FOCAD: variants seen among roughly 807,000 people sequenced by gnomAD.
FOCAD encodes focadhesin.
FOCAD carries 198 observed loss-of-function variants against 225.6 expected under a neutral mutation model. The ratio of observed to expected loss-of-function variants is 0.88; its 90% CI spans 0.78 to 0.99. The LOEUF is 0.99. Among genes scored for constraint, FOCAD ranks in the 50% least tolerant of loss-of-function variants. The probability of loss-of-function intolerance (pLI) is 0.00; values close to 1 mark genes in which losing one functional copy is unlikely to be tolerated. For missense variants in FOCAD, 2,713 were observed against 2,123.6 expected, an observed-to-expected ratio of 1.28 and a Z score of -5.46; for synonymous variants, 897 against 755.0, an observed-to-expected ratio of 1.19 and a Z score of -3.08.
intron 10 of FOCAD, among the ~76,000 whole-genome samples, chr9:20,783,783 C>A (rs983722832): frequency 6.6e-6 from 1 of 152,094 alleles, no homozygotes; most frequent in African/African-American, 2.4e-5. Context: ...TCTGCTTCCT[C>A]CTTGTTCTCC....
At chr9:20,753,500 G>A (rs867282355) in intron 5 of FOCAD, among the ~76,000 whole-genome samples, 17 of 151,954 alleles carry the variant, frequency 1.1e-4, no homozygotes, top group Middle Eastern at 3.4e-3. Context: ...TTTCATCCCA[G>A]GGATGAAGCC....
chr9:20,818,154 G>A (rs1266495978), intron 11 of FOCAD, among the ~76,000 whole-genome samples: 3 of 152,062 alleles, frequency 2.0e-5, no homozygotes, highest in African/African-American at 7.2e-5. Flanking sequence ...ATATTTTCCT[G>A]TATTGGCCAT....
At chr9:20,711,010 G>A (rs1236270236) in intron 1 of FOCAD, among the ~76,000 whole-genome samples, 1 of 152,170 alleles carries the variant, frequency 6.6e-6, no homozygotes, top group African/African-American at 2.4e-5. Context: ...ATGCTACAAT[G>A]GCAGACTTGA....
chr9:20,972,122 G>T (rs1839820770), intron 35 of FOCAD, among the ~76,000 whole-genome samples: 1 of 152,042 alleles, frequency 6.6e-6, no homozygotes, highest in Non-Finnish European at 1.5e-5. Flanking sequence ...TAAAAGTGAG[G>T]TTGCTGGATT....
At position 20,735,124 on chromosome 9, in the gene FOCAD, T is replaced by G. The variant is rs2131627896; in HGVS notation, c.288-5112T>G. ...ATGAATCTTATTCTTCTGTGATTTGTGTATCTCTATTCTCTGCTCAGTTTG... is the reference window on the plus strand; with the variant it reads ...ATGAATCTTATTCTTCTGTGATTTGGGTATCTCTATTCTCTGCTCAGTTTG... On this transcript the variant is annotated intron_variant, in intron 4 of 43. Coordinates refer to ENST00000338382, the MANE Select transcript of FOCAD (RefSeq NM_001375567.1). 2.6e-5 allele frequency among the ~76,000 whole-genome samples: 4 copies of G among 152,336 alleles called. No individual in the cohort carries two copies. The South Asian group carries it at 8.3e-4, about 32-fold the overall frequency.
intron 17 of FOCAD, 42 bp from the exon 18 acceptor site, chr9:20,866,887 G>GGT: frequency 2.2e-6 from 1 of 451,116 alleles, no homozygotes; most frequent in Non-Finnish European, 3.0e-6. Context: ...TTGTTTGCTT[G>GGT]CTTTTTTTTT....
intron 42 of FOCAD, among the ~76,000 whole-genome samples, chr9:20,992,941 G>C (rs1211681706): frequency 6.6e-6 from 1 of 151,528 alleles, no homozygotes; most frequent in Non-Finnish European, 1.5e-5. Flanking sequence ...CCAGCCTGGT[G>C]ACAGAGCAAG....
intron 15 of FOCAD, among the ~76,000 whole-genome samples, chr9:20,847,937 A>G (rs542525381): frequency 6.6e-6 from 1 of 152,218 alleles, no homozygotes; most frequent in South Asian, 2.1e-4. Context: ...TTAAGGATCA[A>G]ATTCATAAAC....
intron 4 of FOCAD, among the ~76,000 whole-genome samples, chr9:20,722,240 G>C (rs1825846661): frequency 6.6e-6 from 1 of 151,434 alleles, no homozygotes; most frequent in East Asian, 2.0e-4. Context: ...GTCTGTGGTT[G>C]CAAAAGGAAA....
Position 20,881,858 on chromosome 9 carries a change from T to A in FOCAD, c.2318-13T>A. On this transcript the variant is annotated splice_polypyrimidine_tract_variant and intron_variant, in intron 19 of 43. Transcript: ENST00000338382. ...ATTTACTCTACTTTTGGTCTCCTTTTATCCTCTTTTAGCTTTGGAGGAATT... is the reference window on the plus strand; with the variant it reads ...ATTTACTCTACTTTTGGTCTCCTTTAATCCTCTTTTAGCTTTGGAGGAATT... The A allele has an allele frequency of 1.2e-6, 2 of 1,610,766 alleles. No individual in the cohort carries two copies. The highest frequency in any genetic ancestry group is 1.1e-5 in the South Asian group (1 of 90,486).
intron 35 of FOCAD, among the ~76,000 whole-genome samples, chr9:20,958,135 CTG>C (rs1323190781): frequency 7.2e-5 from 11 of 152,134 alleles, no homozygotes; most frequent in Admixed American, 2.0e-4. Flanking sequence ...AAATAATTGA[CTG>C]TTTTTTATAG....
At chr9:20,818,188 G>A (rs1407439936) in intron 11 of FOCAD, among the ~76,000 whole-genome samples, 1 of 152,108 alleles carries the variant, frequency 6.6e-6, no homozygotes. Context: ...TTGGAGAAAG[G>A]TGTATTCAGA....
At chr9:20,756,533 A>G (rs1829068594) in intron 5 of FOCAD, among the ~76,000 whole-genome samples, 1 of 152,178 alleles carries the variant, frequency 6.6e-6, no homozygotes, top group Non-Finnish European at 1.5e-5. Flanking sequence ...TAGGGGACAA[A>G]CTTCATTCCT....
intron 11 of FOCAD, among the ~76,000 whole-genome samples, chr9:20,790,935 C>A (rs1311881445): frequency 6.6e-6 from 1 of 152,140 alleles, no homozygotes; most frequent in Non-Finnish European, 1.5e-5. Flanking sequence ...GCAAGTGGAT[C>A]TGTAATGTAC....
At chr9:20,829,385 A>G (rs865962899) in intron 15 of FOCAD, among the ~76,000 whole-genome samples, 1 of 151,576 alleles carries the variant, frequency 6.6e-6, no homozygotes, top group Non-Finnish European at 1.5e-5. Flanking sequence ...TCTGATGATC[A>G]GTGATGTTAA....
chr9:20,915,627 A>T (rs1833805139), intron 23 of FOCAD, among the ~76,000 whole-genome samples: 1 of 152,182 alleles, frequency 6.6e-6, no homozygotes, highest in African/African-American at 2.4e-5. Context: ...AGAGTCATCA[A>T]GCATAATCTT....
chr9:20,803,170 T>C lies in FOCAD; in HGVS notation c.1455+13562T>C, dbSNP rs572252405. Among the ~76,000 whole-genome samples, 71 of 152,226 alleles carry C rather than the reference T, an allele frequency of 4.7e-4. 4 individuals are homozygous for C. The South Asian group carries it at 0.015, about 31-fold the overall frequency. ...AATTATCATTCAGCTTGAAATACTA[T>C]AGATGCCTTGTTTTTAGGAAATGAG... On this transcript the variant is annotated intron_variant, in intron 11 of 43. Coordinates refer to ENST00000338382, the MANE Select transcript of FOCAD (RefSeq NM_001375567.1).
In FOCAD at chr9:20,885,867, ATAAC is replaced by A. The variant is rs1414242644; in HGVS notation, c.2625+638_2625+641del. Among the ~76,000 whole-genome samples, 4 of 152,202 alleles carry A rather than the reference ATAAC, an allele frequency of 2.6e-5. No homozygotes were observed. The East Asian group carries it at 7.7e-4, about 29-fold the overall frequency. ...TATACAAATTAAAATGTATGAATGA[ATAAC>A]AAAACAAAATGTCACAGCAAAGAGA... On this transcript the variant is annotated intron_variant, in intron 21 of 43. Transcript: ENST00000338382.
chr9:20,693,482 C>T (rs562118789), intron 1 of FOCAD, among the ~76,000 whole-genome samples: 16 of 152,192 alleles, frequency 1.1e-4, no homozygotes, highest in Non-Finnish European at 2.2e-4. Context: ...CTTGCCTCTA[C>T]TAGGAATGTA....
Sources: allele counts gnomAD v4.1 joint callset (sites outside exome capture counted in the v4.1 genomes callset), GRCh38; gene constraint gnomAD v4.1.1; transcripts MANE v1.5; gene names NCBI Gene and HGNC (gene_info 2026-07-23, HGNC 2026-07-21).